The following SPEG variants were observed in gnomAD, a reference collection of about 807,000 sequenced individuals.
SPEG encodes striated muscle enriched protein kinase.
A neutral mutation model predicts 300.4 loss-of-function variants in SPEG; 114 were observed. That is an observed-to-expected ratio of 0.38 (90% CI 0.33 to 0.44). SPEG has a LOEUF of 0.44. Ranked by LOEUF, SPEG falls within the 20% of genes least tolerant of loss-of-function variation. The pLI, the probability that SPEG is intolerant of heterozygous loss-of-function variation, is 1.00. For missense variants in SPEG, 4,201 were observed against 4,586.2 expected, an observed-to-expected ratio of 0.92 and a Z score of 2.43; for synonymous variants, 1,964 against 2,018.9, an observed-to-expected ratio of 0.97 and a Z score of 0.73.
In SPEG at chr2:219,483,146, G is replaced by T; in HGVS notation, c.5683G>T (p.Glu1895Ter). ...KCHLVLRPIP[E>*]LLRAPPERVW... ...CCACCTGGTGCTGCGCCCCATCCCC[G>T]AGCTGCTGCGGGCCCCCCCAGAGCG... is the stretch of plus-strand genomic sequence containing the variant. The change falls in exon 30 of 41, where the codon GAG becomes TAG. Residue 1895 changes from glutamate (E) to a stop codon, truncating the protein, a stop_gained. Transcript: ENST00000312358. LOFTEE classifies it high-confidence loss of function. 1 of 1,609,096 alleles carries T rather than the reference G, an allele frequency of 6.2e-7. No individual in the cohort carries two copies.
Position 219,461,146 on chromosome 2 carries a change from G to C in SPEG, c.2441-736G>C, listed in dbSNP as rs115556953. 2,133 of 925,648 alleles carry C rather than the reference G, an allele frequency of 2.3e-3. 42 individuals are homozygous for C. In the African/African-American group the frequency reaches 0.035, roughly 15 times the overall value. 57.3% of individuals were successfully genotyped at this position (925,648 alleles called of 1,614,324 possible). The stretch of plus-strand genomic sequence containing the variant: ...ACCCTGGCCAGTTGCAGGGGAGGGC[G>C]TCAGGGCCCTGGGGACACCCCTCCC... On this transcript the variant is annotated intron_variant, in intron 6 of 40. Transcript: ENST00000312358.
At chr2:219,461,830 C>T in intron 6 of SPEG, 52 bp from the exon 7 acceptor site, 1 of 1,573,528 alleles carries the variant, frequency 6.4e-7, no homozygotes, top group South Asian at 1.1e-5. Context: ...GCCAGCTCTC[C>T]CAGGCTCTCT....
chr2:219,477,948 G>T lies in SPEG; in HGVS notation c.4870G>T (p.Gly1624Cys), dbSNP rs748367615. Residue 1624 changes from glycine to cysteine, a missense_variant, in exon 22 of 41, where the codon GGC becomes TGC. Gly to Cys is a radical substitution (Grantham distance 159). Coordinates refer to ENST00000312358, the MANE Select transcript of SPEG (RefSeq NM_005876.5). The surrounding 1 kb of genome is among the most constrained non-coding windows in gnomAD (Gnocchi z 6.4). ...GCGGCGCATAGTGGAGCGTAGCTCC[G>T]GCCTGGAGTTTGCGGCCAAGTTCAT... ...YLRRIVERSS[G>C]LEFAAKFIPS... 1.2e-6 allele frequency: 2 copies of T among 1,614,176 alleles called. No individual in the cohort carries two copies. Among genetic ancestry groups the T allele is most frequent in the African/African-American group, 1.3e-5 (1 of 75,056 alleles).
rs1305338257 is a variant in SPEG, at chr2:219,448,906, G to C, written c.1748G>C (p.Gly583Ala). The C allele has an allele frequency of 1.4e-6, 2 of 1,459,652 alleles. No individual in the cohort carries two copies. The highest frequency in any genetic ancestry group is 1.4e-5 in the South Asian group (1 of 72,632). 90.4% of individuals were successfully genotyped at this position (1,459,652 alleles called of 1,614,324 possible). A position where few individuals can be genotyped will look rare whatever the true frequency, so the allele number is the denominator to read the frequency against. Reference protein sequence around the residue: ...SRGPAGRTEPGEGPQQEVRRR... With the variant: ...SRGPAGRTEPAEGPQQEVRRR... ...GGGCCGGCGGGCAGGACAGAGCCGG[G>C]GGAAGGCCCGCAGCAGGAGGTTAGG... is the stretch of plus-strand genomic sequence containing the variant. The change falls in exon 4 of 41, where the codon GGG becomes GCG. Residue 583 changes from glycine (G) to alanine (A), a missense_variant. Around this residue, in one of 4 missense-constraint regions of SPEG, gnomAD observed 1,258 missense variants for 1,293.9 expected, o/e 0.97. Coordinates refer to ENST00000312358, the MANE Select transcript of SPEG (RefSeq NM_005876.5).
rs1259760765 is a variant in SPEG at position 219,493,089 on chromosome 2, G to A, written c.*303G>A. Reference sequence around the variant, plus strand: ...GGAAAAGGAATCGAGGGACAGGAAGGGGGAGGCTCTAGGAAGGTTCTGGGT... The same window carrying A: ...GGAAAAGGAATCGAGGGACAGGAAGAGGGAGGCTCTAGGAAGGTTCTGGGT... On this transcript the variant is annotated 3_prime_UTR_variant, in exon 41 of 41. Transcript: ENST00000312358. 1.6e-5 allele frequency: 10 copies of A among 633,722 alleles called. No homozygotes were observed. The highest frequency in any genetic ancestry group is 2.9e-5 in the Non-Finnish European group (10 of 342,066). 39.3% of individuals were successfully genotyped at this position (633,722 alleles called of 1,614,324 possible).
In SPEG at chr2:219,480,298, C is replaced by T. The variant is rs1230241055; in HGVS notation, c.5342+158C>T. Among the ~76,000 whole-genome samples, 4 of 152,150 alleles carry T rather than the reference C, an allele frequency of 2.6e-5. No homozygotes were observed. The highest frequency in any genetic ancestry group is 2.1e-4 in the South Asian group (1 of 4,830). ...GGTCTCCTGCCCATGTTACTCCTTG[C>T]CCCTTGTGAGTCAGGGCTGCCCCAT... On this transcript the variant is annotated intron_variant, in intron 25 of 40. Coordinates refer to ENST00000312358, the MANE Select transcript of SPEG (RefSeq NM_005876.5). This position sits in a 1 kb window ranked among gnomAD's most constrained non-coding sequence, Gnocchi z 5.3.
In SPEG at chr2:219,448,474, CCAAGT is replaced by C; in HGVS notation, c.1318_1322del (p.Lys440GlyfsTer150). The C allele has an allele frequency of 6.8e-7, 1 of 1,477,454 alleles. No homozygotes were observed. Among genetic ancestry groups the C allele is most frequent in the Non-Finnish European group, 8.9e-7 (1 of 1,123,304 alleles). 91.5% of individuals were successfully genotyped at this position (1,477,454 alleles called of 1,614,324 possible). A position where few individuals can be genotyped will look rare whatever the true frequency, so the allele number is the denominator to read the frequency against. On this transcript the variant is annotated frameshift_variant, in exon 4 of 41. Coordinates refer to ENST00000312358, the MANE Select transcript of SPEG (RefSeq NM_005876.5). LOFTEE classifies it high-confidence loss of function. Reference sequence around the variant, plus strand: ...CGCAAGGCCCGCTCTCTGGAGCAGCCCAAGTCGGAGCGCGGCGCACCGTGGGGCAC... The same window carrying C: ...CGCAAGGCCCGCTCTCTGGAGCAGCCCGGAGCGCGGCGCACCGTGGGGCAC...
At position 219,467,142 on chromosome 2, in the gene SPEG, G is replaced by C. The variant is rs771226514; in HGVS notation, c.2882-32G>C. 19 of 1,550,992 alleles carry C rather than the reference G, an allele frequency of 1.2e-5. 1 individual carries two copies. The South Asian group carries it at 2.3e-4, about 19-fold the overall frequency. ...CCCTCACCCTGTGTGTCTCTGCTCT[G>C]TGCGTGGCCCCCGTGGCTGCTTTCC... On this transcript the variant is annotated intron_variant, in intron 9 of 40. Coordinates refer to ENST00000312358, the MANE Select transcript of SPEG (RefSeq NM_005876.5).
chr2:219,471,666 GA>G, intron 13 of SPEG: 1 of 618,306 alleles, frequency 1.6e-6, no homozygotes, highest in Non-Finnish European at 2.8e-6. Context: ...TGTAGACTTG[GA>G]AGCCAGCCCG....
At chr2:219,488,352 T>C in intron 32 of SPEG, 42 bp downstream of exon 32, 1 of 1,551,412 alleles carries the variant, frequency 6.4e-7, no homozygotes, top group Non-Finnish European at 8.8e-7. Flanking sequence ...GGCCAGCAAG[T>C]GGCCCTGAGC....
In SPEG at chr2:219,451,135, G is replaced by A; in HGVS notation, c.2114-1G>A. The A allele has an allele frequency of 6.2e-7, 1 of 1,610,322 alleles. No individual in the cohort carries two copies. The highest frequency in any genetic ancestry group is 8.5e-7 in the Non-Finnish European group (1 of 1,178,402). Reference sequence around the variant, plus strand: ...TACCCCGTTATTCCTGTGTCCGGCAGAGTCTTCGGATGACTCCTACGTGTC... The same window carrying A: ...TACCCCGTTATTCCTGTGTCCGGCAAAGTCTTCGGATGACTCCTACGTGTC... On this transcript the variant is annotated splice_acceptor_variant, in intron 4 of 40. Transcript: ENST00000312358. LOFTEE classifies it high-confidence loss of function. This position sits in a 1 kb window ranked among gnomAD's most constrained non-coding sequence, Gnocchi z 6.4.
Position 219,448,309 on chromosome 2 carries a change from T to G in SPEG, c.1151T>G (p.Leu384Arg). Residue 384 changes from leucine to arginine, a missense_variant, in exon 4 of 41, where the codon CTG becomes CGG. Coordinates refer to ENST00000312358, the MANE Select transcript of SPEG (RefSeq NM_005876.5). ...CCACTGAGCGAGGCCTCAGGCCGCC[T>G]GTCGGCGTTGGGCCGATCGCCTAGG... ...QTPLSEASGR[L>R]SALGRSPRLV... The G allele has an allele frequency of 6.2e-7, 1 of 1,607,592 alleles. No individual in the cohort carries two copies. The highest frequency in any genetic ancestry group is 8.5e-7 in the Non-Finnish European group (1 of 1,177,912).
At chr2:219,446,445 C>T (rs1448891550) in intron 3 of SPEG, among the ~76,000 whole-genome samples, 2 of 152,158 alleles carry the variant, frequency 1.3e-5, no homozygotes, top group Non-Finnish European at 2.9e-5. Context: ...GGGGACTCTG[C>T]GGCCCTTCCC....
Position 219,449,196 on chromosome 2 carries a change from T to G in SPEG, c.2038T>G (p.Trp680Gly). The G allele has an allele frequency of 1.4e-6, 2 of 1,393,462 alleles. No homozygotes were observed. The highest frequency in any genetic ancestry group is 1.9e-6 in the Non-Finnish European group (2 of 1,074,462). 86.3% of individuals were successfully genotyped at this position (1,393,462 alleles called of 1,614,324 possible). Residue 680 changes from tryptophan (W) to glycine (G), a missense_variant, in exon 4 of 41, where the codon TGG becomes GGG. Transcript: ENST00000312358. ...CAGAGGGCCGGAGGAGGACGGTCCCTGGGGGCCCTGGGACCGCCGAGGGGC... is the reference window on the plus strand; with the variant it reads ...CAGAGGGCCGGAGGAGGACGGTCCCGGGGGGCCCTGGGACCGCCGAGGGGC... ...LRRGPEEDGP[W>G]GPWDRRGARS...
chr2:219,491,383 G>A (rs1332792098), intron 38 of SPEG, among the ~76,000 whole-genome samples: 1 of 152,206 alleles, frequency 6.6e-6, no homozygotes, highest in East Asian at 1.9e-4. Context: ...AGCCAGGCAG[G>A]TTTAGTAAAT....
rs966389444 is a variant in SPEG at position 219,464,827 on chromosome 2, C to G, written c.2881+219C>G. 2 of 551,084 alleles carry G rather than the reference C, an allele frequency of 3.6e-6. No homozygotes were observed. The allele number at this position is 551,084 out of a possible 1,614,324, so 34.1% of individuals were successfully genotyped here. A position where few individuals can be genotyped will look rare whatever the true frequency, so the allele number is the denominator to read the frequency against. On this transcript the variant is annotated intron_variant, in intron 9 of 40. Coordinates refer to ENST00000312358, the MANE Select transcript of SPEG (RefSeq NM_005876.5). This position sits in a 1 kb window ranked among gnomAD's most constrained non-coding sequence, Gnocchi z 4.5. ...AGCACATTGTTCCGTGCTCAGCTTA[C>G]TACACAACACCACCTTCCCTGTTGC...
intron 14 of SPEG, 104 bp downstream of exon 14, chr2:219,472,091 C>A: frequency 6.6e-7 from 1 of 1,522,868 alleles, no homozygotes. Context: ...TCCCCTCCAT[C>A]CCCTGGGGAC....
At chr2:219,460,135 C>T (rs1690532816) in intron 6 of SPEG, among the ~76,000 whole-genome samples, 1 of 152,236 alleles carries the variant, frequency 6.6e-6, no homozygotes, top group Non-Finnish European at 1.5e-5. Context: ...AACAGGTGCC[C>T]TGGCGGTTTG....
Position 219,480,192 on chromosome 2 carries a change from G to A in SPEG, c.5342+52G>A, listed in dbSNP as rs1400580765. ...GACCAGGGCAGCTGCCCTTGGGGCT[G>A]TGCTGGGGACGCGCTCACTGGCAGG... On this transcript the variant is annotated intron_variant, in intron 25 of 40. Transcript: ENST00000312358. This position sits in a 1 kb window ranked among gnomAD's most constrained non-coding sequence, Gnocchi z 5.3. 1 of 1,583,838 alleles carries A rather than the reference G, an allele frequency of 6.3e-7. No individual in the cohort carries two copies. The highest frequency in any genetic ancestry group is 8.6e-7 in the Non-Finnish European group (1 of 1,156,978).
Sources: allele counts gnomAD v4.1 joint callset (sites outside exome capture counted in the v4.1 genomes callset), GRCh38; gene constraint gnomAD v4.1.1; regional missense constraint gnomAD v4.1.1; non-coding constraint Gnocchi (gnomAD v3.1); transcripts MANE v1.5; gene names NCBI Gene and HGNC (gene_info 2026-07-23, HGNC 2026-07-21).